Variants in INPP5A observed in about 807,000 individuals in gnomAD.
INPP5A encodes the protein inositol polyphosphate-5-phosphatase A.
In INPP5A, 14 loss-of-function variants were observed where a neutral mutation model predicts 65.2. That is an observed-to-expected ratio of 0.21 (90% CI 0.14 to 0.34). The LOEUF (loss-of-function observed/expected upper bound fraction) is 0.34. Among genes scored for constraint, INPP5A ranks in the 10% least tolerant of loss-of-function variants. The pLI is 1.00. For missense variants in INPP5A, 431 were observed against 545.6 expected, an observed-to-expected ratio of 0.79 and a Z score of 2.09; for synonymous variants, 207 against 208.3, an observed-to-expected ratio of 0.99 and a Z score of 0.05.
chr10:132,606,542 A>C (rs1448545612), intron 1 of INPP5A, among the ~76,000 whole-genome samples: 1 of 152,186 alleles, frequency 6.6e-6, no homozygotes, highest in East Asian at 1.9e-4. Context: ...CGGTCCTGTG[A>C]TCTGTGAAGC....
intron 1 of INPP5A, among the ~76,000 whole-genome samples, chr10:132,596,934 C>T (rs1474534819): frequency 0.02 from 419 of 20,488 alleles, 3 homozygotes; most frequent in African/African-American, 0.059. Context: ...CGCATGTGCA[C>T]GCATGTGTGC....
chr10:132,749,952 A>G, intron 11 of INPP5A, 107 bp downstream of exon 11: 3 of 958,942 alleles, frequency 3.1e-6, no homozygotes, highest in Non-Finnish European at 5.0e-6. Context: ...TGTCCCTGCC[A>G]CCTCCAGGAC....
intron 2 of INPP5A, among the ~76,000 whole-genome samples, chr10:132,632,938 T>G (rs1354799821): frequency 6.6e-6 from 1 of 152,212 alleles, no homozygotes; most frequent in Non-Finnish European, 1.5e-5. Context: ...TGGCGGGGCA[T>G]TCACACCTCG....
rs572013158 is a variant in INPP5A, at chr10:132,711,483, C to A, written c.647+1027C>A. Among the ~76,000 whole-genome samples, 11 of 152,294 alleles carry A rather than the reference C, an allele frequency of 7.2e-5. No homozygotes were observed. The South Asian group carries it at 2.1e-3, about 29-fold the overall frequency. ...AGCTTGGGCTTGCAGCAGTGATGAA[C>A]ACAGGCCTGAGACCAGCAGTTCTGC... On this transcript the variant is annotated intron_variant, in intron 8 of 15. Transcript: ENST00000368594.
At chr10:132,654,512 C>T (rs988736253) in intron 4 of INPP5A, among the ~76,000 whole-genome samples, 6 of 152,190 alleles carry the variant, frequency 3.9e-5, no homozygotes, top group South Asian at 2.1e-4. Context: ...TGGGGGCCCT[C>T]GGGGTGTCTG....
At chr10:132,665,083 T>A (rs2072785100) in intron 4 of INPP5A, among the ~76,000 whole-genome samples, 1 of 152,162 alleles carries the variant, frequency 6.6e-6, no homozygotes, top group Non-Finnish European at 1.5e-5. Flanking sequence ...AGCCCTGTTG[T>A]GCATGAGGGC....
At chr10:132,756,916 G>A (rs1299363058) in intron 11 of INPP5A, among the ~76,000 whole-genome samples, 1 of 152,188 alleles carries the variant, frequency 6.6e-6, no homozygotes, top group East Asian at 1.9e-4. Context: ...GCTCATGTCT[G>A]TGTCGTTGTC....
rs1297923174 is a variant in INPP5A, at chr10:132,546,794, C to T, written c.75+8623C>T. Among the ~76,000 whole-genome samples, 1 of 152,226 alleles carries T rather than the reference C, an allele frequency of 6.6e-6. No individual in the cohort carries two copies. Among genetic ancestry groups the T allele is most frequent in the African/African-American group, 2.4e-5 (1 of 41,466 alleles). On this transcript the variant is annotated intron_variant, in intron 1 of 15. Transcript: ENST00000368594. This position sits in a 1 kb window ranked among gnomAD's most constrained non-coding sequence, Gnocchi z 5.7. ...CACCTGACCGCCCAGCCACTGTTCTCCCTGGCCCTTCCCTCTCGTTTCTGC... is the reference window on the plus strand; with the variant it reads ...CACCTGACCGCCCAGCCACTGTTCTTCCTGGCCCTTCCCTCTCGTTTCTGC...
Position 132,650,403 on chromosome 10 carries a change from C to T in INPP5A, c.219-15C>T, listed in dbSNP as rs1564949228. On this transcript the variant is annotated splice_polypyrimidine_tract_variant and intron_variant, in intron 3 of 15. Coordinates refer to ENST00000368594, the MANE Select transcript of INPP5A (RefSeq NM_005539.5). The surrounding 1 kb of genome is among the most constrained non-coding windows in gnomAD (Gnocchi z 5.5). ...TGTGTGGCTTTTCCTCAGGAACCTA[C>T]TTTCTTCCTTCCAGAGAACTATTGT... 6.2e-7 allele frequency: 1 copy of T among 1,601,466 alleles called. No homozygotes were observed. Among genetic ancestry groups the T allele is most frequent in the Non-Finnish European group, 8.6e-7 (1 of 1,168,492 alleles).
intron 2 of INPP5A, among the ~76,000 whole-genome samples, chr10:132,617,138 G>A (rs1386655623): frequency 6.6e-6 from 1 of 152,162 alleles, no homozygotes; most frequent in Non-Finnish European, 1.5e-5. Context: ...GTTGGTGGCT[G>A]TATTGATTCT....
At chr10:132,658,461 T>C (rs954013995) in intron 4 of INPP5A, among the ~76,000 whole-genome samples, 2 of 152,156 alleles carry the variant, frequency 1.3e-5, no homozygotes, top group Non-Finnish European at 2.9e-5. Flanking sequence ...TTTATTTCCT[T>C]CTAACAGATG....
intron 11 of INPP5A, among the ~76,000 whole-genome samples, chr10:132,760,684 G>A (rs757535501): frequency 4.6e-5 from 7 of 152,224 alleles, no homozygotes; most frequent in East Asian, 1.9e-4. Flanking sequence ...TGACTGTGGC[G>A]CAGCGTGTGC....
At position 132,704,400 on chromosome 10, in the gene INPP5A, G is replaced by A. The variant is rs1181683810; in HGVS notation, c.475-3913G>A. On this transcript the variant is annotated intron_variant, in intron 6 of 15. Transcript: ENST00000368594. The surrounding 1 kb of genome is among the most constrained non-coding windows in gnomAD (Gnocchi z 4.5). ...CTAAAGCCACCAAGGGACCATAGGTGCAGTTCTTAACCTGTGAGCCTCAGT... is the reference window on the plus strand; with the variant it reads ...CTAAAGCCACCAAGGGACCATAGGTACAGTTCTTAACCTGTGAGCCTCAGT... Among the ~76,000 whole-genome samples, 1 of 152,240 alleles carries A rather than the reference G, an allele frequency of 6.6e-6. No individual in the cohort carries two copies. Among genetic ancestry groups the A allele is most frequent in the Non-Finnish European group, 1.5e-5 (1 of 68,042 alleles).
At chr10:132,765,925 G>T (rs572611514) in intron 12 of INPP5A, 79 bp downstream of exon 12, 2 of 820,794 alleles carry the variant, frequency 2.4e-6, no homozygotes, top group South Asian at 2.7e-5. Flanking sequence ...GTGCATCTGC[G>T]TGTCTGTGTG....
At position 132,663,851 on chromosome 10, in the gene INPP5A, CCT is replaced by C. The variant is rs979503792; in HGVS notation, c.306+13347_306+13348del. Among the ~76,000 whole-genome samples the C allele has an allele frequency of 2.0e-4, 30 of 152,328 alleles. No individual in the cohort carries two copies. The highest frequency in any genetic ancestry group is 4.8e-4 in the African/African-American group (20 of 41,580). ...GCCGCGCTCACATCATTCCTCTCCC[CCT>C]GTCGCCGGGTGGGAAATCCGTAACA... On this transcript the variant is annotated intron_variant, in intron 4 of 15. Transcript: ENST00000368594. This position sits in a 1 kb window ranked among gnomAD's most constrained non-coding sequence, Gnocchi z 4.5.
At chr10:132,597,190 C>G (rs2071714379) in intron 1 of INPP5A, among the ~76,000 whole-genome samples, 1 of 152,242 alleles carries the variant, frequency 6.6e-6, no homozygotes. Flanking sequence ...TGCACATGCA[C>G]TTGTGTTTTC....
chr10:132,656,709 G>T (rs1368002246), intron 4 of INPP5A, among the ~76,000 whole-genome samples: 2 of 152,262 alleles, frequency 1.3e-5, no homozygotes, highest in African/African-American at 4.8e-5. Context: ...AGGGCACCAA[G>T]CAGGGTTGCC....
chr10:132,598,407 G>A (rs1455389091), intron 1 of INPP5A, among the ~76,000 whole-genome samples: 1 of 152,160 alleles, frequency 6.6e-6, no homozygotes, highest in Non-Finnish European at 1.5e-5. Flanking sequence ...GTCCCTGTCT[G>A]CCCCCAGTTC....
At chr10:132,749,899 C>A in intron 11 of INPP5A, 54 bp downstream of exon 11, 2 of 1,463,114 alleles carry the variant, frequency 1.4e-6, no homozygotes, top group African/African-American at 1.4e-5. Context: ...TCCACGCCCC[C>A]AGGCCTTCCC....
Sources: allele counts gnomAD v4.1 joint callset (sites outside exome capture counted in the v4.1 genomes callset), GRCh38; gene constraint gnomAD v4.1.1; non-coding constraint Gnocchi (gnomAD v3.1); transcripts MANE v1.5; gene names NCBI Gene and HGNC (gene_info 2026-07-23, HGNC 2026-07-21).